The following DIP2C variants were observed in gnomAD, a reference collection of about 807,000 sequenced individuals.
The protein encoded by DIP2C is disco-interacting protein 2 homolog C.
In DIP2C, 33 loss-of-function variants were observed where a neutral mutation model predicts 192.4. The ratio of observed to expected loss-of-function variants is 0.17; its 90% CI spans 0.13 to 0.23. The LOEUF is 0.23. DIP2C is among the 10% of genes least tolerant of loss of function. The pLI, the probability that DIP2C is intolerant of heterozygous loss-of-function variation, is 1.00. For missense variants in DIP2C, 1,537 were observed against 2,110.1 expected, an observed-to-expected ratio of 0.73 and a Z score of 5.32; for synonymous variants, 979 against 864.1, an observed-to-expected ratio of 1.13 and a Z score of -2.33.
intron 1 of DIP2C, among the ~76,000 whole-genome samples, chr10:570,899 G>A (rs560534995): frequency 6.6e-6 from 1 of 152,250 alleles, no homozygotes; most frequent in African/African-American, 2.4e-5. Context: ...ATGTACTGCT[G>A]CAACAGCAGC....
chr10:418,933 G>A lies in DIP2C; in HGVS notation c.739+132C>T, dbSNP rs766456525. ...AGGCCACCTTCCATGAGAGGCTCCC[G>A]AAGATCTGATAAATTGGCTTTGTCA... On this transcript the variant is annotated intron_variant, in intron 6 of 36. Transcript: ENST00000280886. 2.0e-4 allele frequency: 280 copies of A among 1,371,508 alleles called. 1 individual carries two copies. The highest frequency in any genetic ancestry group is 1.3e-3 in the Middle Eastern group (5 of 3,740). 85.0% of individuals were successfully genotyped at this position (1,371,508 alleles called of 1,614,324 possible).
intron 1 of DIP2C, among the ~76,000 whole-genome samples, chr10:647,148 AG>A (rs1260194738): frequency 4.6e-5 from 7 of 151,808 alleles, no homozygotes; most frequent in African/African-American, 1.5e-4. Context: ...GAGAGAACAG[AG>A]GAAAACTGAG....
intron 29 of DIP2C, among the ~76,000 whole-genome samples, chr10:330,482 G>C (rs1007212391): frequency 1.6e-4 from 24 of 152,070 alleles, no homozygotes; most frequent in Non-Finnish European, 3.2e-4. Flanking sequence ...AAATATCCTA[G>C]ATAAATCACG....
chr10:345,046 G>T lies in DIP2C; in HGVS notation c.3296C>A (p.Ala1099Glu). Residue 1099 changes from alanine to glutamate, a missense_variant, in exon 27 of 37, where the codon GCG (alanine) becomes GAG (glutamate). Around this residue, in one of 4 missense-constraint regions of DIP2C, gnomAD observed 677 missense variants for 989.9 expected, o/e 0.68. Coordinates refer to ENST00000280886, the MANE Select transcript of DIP2C (RefSeq NM_014974.3). ...CGTCCTGACGTCCACAGCCGCCGCC[G>T]CCTCCCTGGACCGCAGCAACTTACA... ...LICKLLRSRE[A>E]AAAVDVRTWP... 1 of 1,613,508 alleles carries T rather than the reference G, an allele frequency of 6.2e-7. No homozygotes were observed. Among genetic ancestry groups the T allele is most frequent in the Non-Finnish European group, 8.5e-7 (1 of 1,179,888 alleles).
chr10:613,007 C>G (rs1247384980), intron 1 of DIP2C, among the ~76,000 whole-genome samples: 1 of 152,176 alleles, frequency 6.6e-6, no homozygotes, highest in Non-Finnish European at 1.5e-5. Flanking sequence ...TGACCACGTT[C>G]TTTCCTGCAG....
In DIP2C at chr10:639,459, C is replaced by T. The variant is rs369992589; in HGVS notation, c.85+50035G>A. ...CGCGTCAGGTTGGGAGGGTGCTGCC[C>T]GGCTCACGGTCCACACATGGGGATG... On this transcript the variant is annotated intron_variant, in intron 1 of 36. Coordinates refer to ENST00000280886, the MANE Select transcript of DIP2C (RefSeq NM_014974.3). Among the ~76,000 whole-genome samples, 31 of 149,844 alleles carry T rather than the reference C, an allele frequency of 2.1e-4. No individual in the cohort carries two copies. In the East Asian group the frequency reaches 5.3e-3, roughly 25 times the overall value.
chr10:477,861 G>T (rs1435012126), intron 2 of DIP2C, among the ~76,000 whole-genome samples: 1 of 132,636 alleles, frequency 7.5e-6, no homozygotes, highest in Non-Finnish European at 1.6e-5. Context: ...AGAAGTGAAG[G>T]AAGCAGAGAG....
intron 1 of DIP2C, among the ~76,000 whole-genome samples, chr10:545,189 T>TTTTTTTTTTTTTTTTG (rs1848221668): frequency 6.9e-6 from 1 of 145,330 alleles, no homozygotes; most frequent in East Asian, 2.0e-4. Flanking sequence ...TTTTTTTTTT[T>TTTTTTTTTTTTTTTTG]GAGTTTCACT....
chr10:437,280 G>A, intron 4 of DIP2C, among the ~76,000 whole-genome samples: 1 of 148,064 alleles, frequency 6.8e-6, no homozygotes, highest in Non-Finnish European at 1.5e-5. Flanking sequence ...TCCTGGACAT[G>A]GTAGGGTGAT....
intron 1 of DIP2C, among the ~76,000 whole-genome samples, chr10:661,837 A>G (rs1411133162): frequency 6.6e-6 from 1 of 152,168 alleles, no homozygotes; most frequent in Non-Finnish European, 1.5e-5. Flanking sequence ...GTCTCTAAGT[A>G]TCTCTGAATC....
chr10:577,820 TG>T (rs1398603373), intron 1 of DIP2C, among the ~76,000 whole-genome samples: 3 of 144,124 alleles, frequency 2.1e-5, no homozygotes, highest in Non-Finnish European at 4.4e-5. Flanking sequence ...TTTGTTTTTT[TG>T]TGTTTTTTTT....
chr10:583,126 T>C (rs554769254), intron 1 of DIP2C, among the ~76,000 whole-genome samples: 11 of 152,286 alleles, frequency 7.2e-5, no homozygotes, highest in African/African-American at 2.4e-4. Context: ...CACAGAGAAA[T>C]GCATGAGCAT....
At position 306,792 on chromosome 10, in the gene DIP2C, C is replaced by T. The variant is rs568542744; in HGVS notation, c.3986+3239G>A. ...CTGCCGGAGCTCATAGTGACAGCAT[C>T]TGCCCCAGTCTGGCTCTTCACAGCA... On this transcript the variant is annotated intron_variant, in intron 32 of 36. Coordinates refer to ENST00000280886, the MANE Select transcript of DIP2C (RefSeq NM_014974.3). Among the ~76,000 whole-genome samples, 11 of 152,344 alleles carry T rather than the reference C, an allele frequency of 7.2e-5. No individual in the cohort carries two copies. In the South Asian group the frequency reaches 1.7e-3, roughly 23 times the overall value.
chr10:488,510 A>G (rs1844182369), intron 1 of DIP2C, among the ~76,000 whole-genome samples: 1 of 152,234 alleles, frequency 6.6e-6, no homozygotes, highest in East Asian at 1.9e-4. Flanking sequence ...ATGTCCCATG[A>G]AAACCACACC....
intron 15 of DIP2C, 67 bp from the exon 16 acceptor site, chr10:384,213 G>A: frequency 6.8e-7 from 1 of 1,477,038 alleles, no homozygotes; most frequent in Non-Finnish European, 9.1e-7. Flanking sequence ...GCAAAAGAGA[G>A]ATCATTGTGA....
chr10:586,813 T>C (rs1851061141), intron 1 of DIP2C, among the ~76,000 whole-genome samples: 2 of 152,098 alleles, frequency 1.3e-5, no homozygotes, highest in South Asian at 4.1e-4. Context: ...GCCTTGGTCT[T>C]GTTTCACAAG....
At chr10:417,766 A>AAATAGGCCTCCCTGTCTG (rs1564685296) in intron 6 of DIP2C, among the ~76,000 whole-genome samples, 1 of 67,968 alleles carries the variant, frequency 1.5e-5, no homozygotes, top group Non-Finnish European at 3.0e-5. Flanking sequence ...ATCCCTGTCC[A>AAATAGGCCTCCCTGTCTG]CCTGCACCTG....
chr10:669,116 T>C (rs1387409385), intron 1 of DIP2C: 1 of 151,920 alleles, frequency 6.6e-6, no homozygotes, highest in Middle Eastern at 3.2e-3. Context: ...TCAGCCAGAA[T>C]CCAAGGAAAA....
chr10:616,749 C>T (rs1853496288), intron 1 of DIP2C, among the ~76,000 whole-genome samples: 1 of 152,224 alleles, frequency 6.6e-6, no homozygotes, highest in Non-Finnish European at 1.5e-5. Context: ...AGTACCCAGG[C>T]CAGGCAAGCA....
Sources: gnomAD v4.1 joint callset for allele counts (sites outside exome capture counted in the v4.1 genomes callset) on GRCh38, gnomAD v4.1.1 for gene constraint, gnomAD v4.1.1 regional missense constraint, MANE v1.5 for transcripts, NCBI Gene and HGNC (gene_info 2026-07-23, HGNC 2026-07-21) for gene names.